FRMD4A: variants seen among roughly 807,000 people sequenced by gnomAD.
FRMD4A encodes the protein FERM domain-containing protein 4A.
In FRMD4A, 29 loss-of-function variants were observed where a neutral mutation model predicts 129.1. The observed-to-expected ratio is 0.22, with a 90% CI of 0.17 to 0.31. The LOEUF is 0.31. Among genes scored for constraint, FRMD4A ranks in the 10% least tolerant of loss-of-function variants. FRMD4A has a pLI of 1.00. For missense variants in FRMD4A, 1,272 were observed against 1,375.8 expected (o/e 0.92, Z 1.19); for synonymous variants, 634 against 571.6 (o/e 1.11, Z -1.56).
chr10:13,964,472 A>AGGGGGGGGGGGGGGGGGGGGGGGGG (rs1588588011), intron 2 of FRMD4A, among the ~76,000 whole-genome samples: 1 of 6,280 alleles, frequency 1.6e-4, no homozygotes, highest in African/African-American at 4.9e-4. Flanking sequence ...AGCTGGAGGC[A>AGGGGGGGGGGGGGGGGGGGGGGGGG]GGGTGGGGGT....
intron 2 of FRMD4A, among the ~76,000 whole-genome samples, chr10:14,296,603 A>T (rs187220361): frequency 6.6e-6 from 1 of 152,368 alleles, no homozygotes; most frequent in African/African-American, 2.4e-5. Context: ...TAATATAAAA[A>T]TGCTAATGTG....
At chr10:13,658,013 TAC>T (rs1450907090) in intron 21 of FRMD4A, among the ~76,000 whole-genome samples, 1 of 148,912 alleles carries the variant, frequency 6.7e-6, no homozygotes, top group Admixed American at 6.6e-5. Flanking sequence ...TGTAGTGTTG[TAC>T]ACCAGGGGTC....
intron 2 of FRMD4A, among the ~76,000 whole-genome samples, chr10:14,004,242 C>T (rs1003209184): frequency 2.0e-5 from 3 of 152,196 alleles, no homozygotes; most frequent in African/African-American, 4.8e-5. Context: ...AAATTGTCAT[C>T]TGTTTATTAA....
chr10:14,326,619 CT>C, intron 2 of FRMD4A: 1 of 390,464 alleles, frequency 2.6e-6, no homozygotes, highest in Non-Finnish European at 4.5e-6. Flanking sequence ...GAAGGTGAGC[CT>C]TTATAATCTA....
intron 2 of FRMD4A, among the ~76,000 whole-genome samples, chr10:14,250,481 G>C (rs1447440633): frequency 1.3e-5 from 2 of 152,162 alleles, no homozygotes; most frequent in African/African-American, 2.4e-5. Flanking sequence ...AAAGATTAAG[G>C]CTGTAATCCT....
At chr10:14,171,552 GC>G (rs1841477667) in intron 2 of FRMD4A, among the ~76,000 whole-genome samples, 1 of 152,154 alleles carries the variant, frequency 6.6e-6, no homozygotes, top group South Asian at 2.1e-4. Flanking sequence ...CTCTGCAACT[GC>G]CTTAATTTCA....
intron 2 of FRMD4A, among the ~76,000 whole-genome samples, chr10:14,250,968 C>T (rs1844418041): frequency 1.3e-5 from 2 of 152,148 alleles, no homozygotes; most frequent in African/African-American, 4.8e-5. Flanking sequence ...GCATTCCATG[C>T]CCCAGTTGCA....
intron 2 of FRMD4A, among the ~76,000 whole-genome samples, chr10:14,188,281 C>G (rs1382075838): frequency 6.6e-6 from 1 of 152,192 alleles, no homozygotes; most frequent in Non-Finnish European, 1.5e-5. Flanking sequence ...TGCTTGCTGC[C>G]TGGGCTCTTT....
At chr10:13,790,154 C>T (rs942269333) in intron 5 of FRMD4A, among the ~76,000 whole-genome samples, 16 of 135,564 alleles carry the variant, frequency 1.2e-4, no homozygotes, top group East Asian at 2.5e-4. Flanking sequence ...AGGAGGCAAG[C>T]GGGAGGGAGC....
chr10:13,732,851 T>G (rs1176501021), intron 12 of FRMD4A, among the ~76,000 whole-genome samples: 1 of 152,206 alleles, frequency 6.6e-6, no homozygotes, highest in Non-Finnish European at 1.5e-5. Flanking sequence ...CTAGGGAGCC[T>G]GGCTGACCTT....
intron 3 of FRMD4A, among the ~76,000 whole-genome samples, chr10:13,849,282 C>T (rs2094106335): frequency 6.6e-6 from 1 of 152,176 alleles, no homozygotes; most frequent in Non-Finnish European, 1.5e-5. Flanking sequence ...GACAGAAACT[C>T]CTGGTGGATT....
At chr10:13,931,979 A>AACCAACCAACC (rs377655638) in intron 2 of FRMD4A, among the ~76,000 whole-genome samples, 7 of 131,804 alleles carry the variant, frequency 5.3e-5, no homozygotes, top group Non-Finnish European at 1.1e-4. Context: ...ACCAACCAAC[A>AACCAACCAACC]AACCAACCAA....
At chr10:14,128,040 CTTT>C (rs1564319886) in intron 2 of FRMD4A, among the ~76,000 whole-genome samples, 2,688 of 123,670 alleles carry the variant, frequency 0.022, 187 homozygotes, top group Admixed American at 0.06. Flanking sequence ...TCCTTCCTTT[CTTT>C]CCCTCTTTCT....
intron 22 of FRMD4A, 21 bp from the exon 23 acceptor site, chr10:13,654,533 A>G (rs1193466770): frequency 4.7e-6 from 7 of 1,497,502 alleles, no homozygotes; most frequent in Non-Finnish European, 6.5e-6. Flanking sequence ...GTGGTGCAAG[A>G]AAGGCAGAGA....
At chr10:13,861,949 T>C (rs771715876) in intron 2 of FRMD4A, among the ~76,000 whole-genome samples, 3 of 152,210 alleles carry the variant, frequency 2.0e-5, no homozygotes, top group African/African-American at 4.8e-5. Context: ...CAAGTTTCAG[T>C]AGGGCAGATA....
At chr10:14,163,909 C>A (rs1841035617) in intron 2 of FRMD4A, among the ~76,000 whole-genome samples, 1 of 152,180 alleles carries the variant, frequency 6.6e-6, no homozygotes, top group Admixed American at 6.5e-5. Flanking sequence ...AGGTCTTTTT[C>A]TCAGTCGAAT....
intron 18 of FRMD4A, among the ~76,000 whole-genome samples, chr10:13,665,171 C>G (rs947519236): frequency 5.3e-5 from 8 of 152,092 alleles, no homozygotes; most frequent in African/African-American, 1.9e-4. Flanking sequence ...CTCACCCAGC[C>G]CCAGCTTAAC....
chr10:14,138,163 TC>T (rs1009352355), intron 2 of FRMD4A, among the ~76,000 whole-genome samples: 4 of 152,182 alleles, frequency 2.6e-5, no homozygotes, highest in African/African-American at 9.6e-5. Context: ...ATAAACTTGT[TC>T]ATTCATTCAC....
chr10:13,840,836 C>T (rs977827780), intron 3 of FRMD4A, among the ~76,000 whole-genome samples: 1 of 128,466 alleles, frequency 7.8e-6, no homozygotes, highest in Admixed American at 8.1e-5. Context: ...GGCCCAGGTG[C>T]AATGGCTCAT....
Sources: gnomAD v4.1 joint callset for allele counts (sites outside exome capture counted in the v4.1 genomes callset) on GRCh38, gnomAD v4.1.1 for gene constraint, MANE v1.5 for transcripts, NCBI Gene and HGNC (gene_info 2026-07-23, HGNC 2026-07-21) for gene names.